The following AGPS variants were observed in gnomAD, a reference collection of about 807,000 sequenced individuals.
The protein encoded by AGPS is alkyldihydroxyacetonephosphate synthase, peroxisomal.
A neutral mutation model predicts 90.7 loss-of-function variants in AGPS; 26 were observed. That is an observed-to-expected ratio of 0.29 (90% CI 0.21 to 0.40). The LOEUF (loss-of-function observed/expected upper bound fraction) is 0.40, where lower values mean the gene tolerates loss of function less well. Ranked by LOEUF, AGPS falls within the 10% of genes least tolerant of loss-of-function variation. The probability of loss-of-function intolerance (pLI) is 1.00; values close to 1 mark genes in which losing one functional copy is unlikely to be tolerated. For synonymous variants in AGPS, 294 were observed against 285.3 expected (o/e 1.03, Z -0.31); for missense variants, 540 against 816.1 (o/e 0.66, Z 4.12).
chr2:177,438,325 G>A (rs533329488), intron 5 of AGPS, among the ~76,000 whole-genome samples: 2 of 152,232 alleles, frequency 1.3e-5, no homozygotes, highest in South Asian at 4.1e-4. Flanking sequence ...GAATGATGAC[G>A]CAGGAGGATT....
intron 11 of AGPS, among the ~76,000 whole-genome samples, chr2:177,485,047 C>T (rs1202939052): frequency 6.6e-6 from 1 of 152,152 alleles, no homozygotes; most frequent in African/African-American, 2.4e-5. Flanking sequence ...AGATTGCTGG[C>T]ATGAGCCACC....
intron 14 of AGPS, among the ~76,000 whole-genome samples, chr2:177,502,012 CTTATATGTCACTATCCATTTACCAAT>C (rs1427065705): frequency 6.6e-6 from 1 of 152,154 alleles, no homozygotes; most frequent in Non-Finnish European, 1.5e-5. Flanking sequence ...GTTTTGTTTT[CTTATATGTCACTATCCATTTACCAAT>C]TAAAACTATA....
chr2:177,433,797 C>T (rs1218972439), intron 2 of AGPS, among the ~76,000 whole-genome samples: 1 of 152,046 alleles, frequency 6.6e-6, no homozygotes, highest in Non-Finnish European at 1.5e-5. Context: ...CTTAACTGGG[C>T]TGCCTAGAAG....
At chr2:177,526,975 G>C (rs2079093865) in intron 19 of AGPS, among the ~76,000 whole-genome samples, 1 of 152,144 alleles carries the variant, frequency 6.6e-6, no homozygotes, top group Admixed American at 6.6e-5. Flanking sequence ...CCAAAAATCA[G>C]TAATAATTGT....
At chr2:177,482,667 C>CTT (rs1039718005) in intron 11 of AGPS, among the ~76,000 whole-genome samples, 12 of 151,970 alleles carry the variant, frequency 7.9e-5, no homozygotes, top group African/African-American at 2.9e-4. Context: ...GAATGTGCTG[C>CTT]TACTAGGCTA....
chr2:177,429,532 CTGTTTGTT>C (rs952721607), intron 2 of AGPS, among the ~76,000 whole-genome samples: 1 of 151,740 alleles, frequency 6.6e-6, no homozygotes. Context: ...TTGTTGCTTT[CTGTTTGTT>C]TGTTTTTCTT....
At chr2:177,529,488 G>T (rs2079118384) in intron 19 of AGPS, among the ~76,000 whole-genome samples, 1 of 151,922 alleles carries the variant, frequency 6.6e-6, no homozygotes, top group Non-Finnish European at 1.5e-5. Context: ...AAAAAGAAAA[G>T]AAAAAAGGCA....
chr2:177,438,887 A>G (rs1463293425), intron 5 of AGPS, among the ~76,000 whole-genome samples: 1 of 152,082 alleles, frequency 6.6e-6, no homozygotes, highest in African/African-American at 2.4e-5. Context: ...ATGAAGTCCA[A>G]GTTTTTCTTT....
At chr2:177,494,178 C>T (rs1188087904) in intron 12 of AGPS, among the ~76,000 whole-genome samples, 1 of 152,104 alleles carries the variant, frequency 6.6e-6, no homozygotes, top group East Asian at 1.9e-4. Flanking sequence ...CAAAGATAGG[C>T]AGGCTTTTGT....
At chr2:177,420,878 T>A (rs1453564528) in intron 2 of AGPS, among the ~76,000 whole-genome samples, 3 of 151,906 alleles carry the variant, frequency 2.0e-5, no homozygotes, top group East Asian at 1.9e-4. Flanking sequence ...AATAGTATTT[T>A]AAAAAATTAG....
intron 5 of AGPS, among the ~76,000 whole-genome samples, chr2:177,439,058 T>C (rs1001195396): frequency 1.3e-5 from 2 of 152,152 alleles, no homozygotes; most frequent in Non-Finnish European, 2.9e-5. Flanking sequence ...GAATCGGAAT[T>C]CTATGTGTTG....
intron 1 of AGPS, among the ~76,000 whole-genome samples, chr2:177,411,711 G>C (rs1390593065): frequency 6.6e-6 from 1 of 152,176 alleles, no homozygotes; most frequent in Non-Finnish European, 1.5e-5. Context: ...AGGGTTATCT[G>C]ATAATTTACC....
chr2:177,521,212 G>A (rs2105733058), intron 17 of AGPS, 57 bp from the exon 18 acceptor site: 1 of 1,445,312 alleles, frequency 6.9e-7, no homozygotes. Flanking sequence ...GTTTCTAGAT[G>A]TTAAATCTGA....
chr2:177,505,766 C>A (rs1049497627), intron 15 of AGPS, among the ~76,000 whole-genome samples, 191 bp downstream of exon 15: 3 of 151,840 alleles, frequency 2.0e-5, no homozygotes, highest in Admixed American at 2.0e-4. Flanking sequence ...TCCATATGCT[C>A]TTGAAGAAGT....
At chr2:177,488,124 T>A (rs1409740432) in intron 11 of AGPS, among the ~76,000 whole-genome samples, 1 of 152,180 alleles carries the variant, frequency 6.6e-6, no homozygotes, top group Non-Finnish European at 1.5e-5. Flanking sequence ...TCTGACTTAT[T>A]AGTTAGAAGA....
chr2:177,461,974 G>A lies in AGPS; in HGVS notation c.952G>A (p.Ala318Thr), dbSNP rs1171884922. The A allele has an allele frequency of 2.5e-6, 4 of 1,611,912 alleles. No homozygotes were observed. The highest frequency in any genetic ancestry group is 3.4e-6 in the Non-Finnish European group (4 of 1,178,700). Residue 318 changes from alanine to threonine, a missense_variant, in exon 9 of 20, where the codon GCA becomes ACA. Physicochemically the swap from Ala to Thr is moderately conservative, Grantham distance 58. Coordinates refer to ENST00000264167, the MANE Select transcript of AGPS (RefSeq NM_003659.4). ...STVGGWVSTRASGMKKNIYGN... is the reference protein window; with the variant it reads ...STVGGWVSTRTSGMKKNIYGN... ...TGTAGGAGGATGGGTATCTACTCGC[G>A]CATCAGGCATGAAGAAGAATATCTA...
chr2:177,498,193 T>G (rs2105710393), intron 13 of AGPS, among the ~76,000 whole-genome samples: 1 of 151,938 alleles, frequency 6.6e-6, no homozygotes, highest in Non-Finnish European at 1.5e-5. Context: ...TTTGTTACAT[T>G]TTTAATTTAC....
At chr2:177,458,722 T>A (rs1432766567) in intron 8 of AGPS, among the ~76,000 whole-genome samples, 1 of 152,198 alleles carries the variant, frequency 6.6e-6, no homozygotes, top group Non-Finnish European at 1.5e-5. Flanking sequence ...ATAGGAAGAA[T>A]CAATACTATG....
intron 7 of AGPS, among the ~76,000 whole-genome samples, chr2:177,443,525 T>G (rs1232968146): frequency 1.3e-5 from 2 of 152,246 alleles, no homozygotes; most frequent in Non-Finnish European, 2.9e-5. Flanking sequence ...TCTAGTTAGA[T>G]TCAGGCATTG....
Sources: gnomAD v4.1 joint callset for allele counts (sites outside exome capture counted in the v4.1 genomes callset) on GRCh38, gnomAD v4.1.1 for gene constraint, MANE v1.5 for transcripts, NCBI Gene and HGNC (gene_info 2026-07-23, HGNC 2026-07-21) for gene names.